Variants in EGFR observed in about 807,000 individuals in gnomAD.
EGFR encodes avian erythroblastic leukemia viral (v-erb-b) oncogene homolog.
In EGFR, 58 loss-of-function variants were observed where a neutral mutation model predicts 143.0. The ratio of observed to expected loss-of-function variants is 0.41; its 90% CI spans 0.33 to 0.50. EGFR has a LOEUF of 0.50. EGFR is among the 20% of genes least tolerant of loss of function. The pLI is 0.39. For synonymous variants in EGFR, 613 were observed against 594.4 expected (o/e 1.03, Z -0.45); for missense variants, 1,307 against 1,579.0 (o/e 0.83, Z 2.92).
At chr7:55,089,659 C>T (rs1790982184) in intron 1 of EGFR, among the ~76,000 whole-genome samples, 1 of 152,196 alleles carries the variant, frequency 6.6e-6, no homozygotes, top group Non-Finnish European at 1.5e-5. Flanking sequence ...TTATGTTACC[C>T]AACAACCAGC....
intron 1 of EGFR, among the ~76,000 whole-genome samples, chr7:55,032,253 A>C (rs547527657): frequency 1.3e-5 from 2 of 152,324 alleles, no homozygotes; most frequent in East Asian, 3.9e-4. Flanking sequence ...AAATGTAGAC[A>C]TCAAACATAC....
At chr7:55,130,114 AGCC>A (rs1793748858) in intron 1 of EGFR, among the ~76,000 whole-genome samples, 1 of 152,158 alleles carries the variant, frequency 6.6e-6, no homozygotes, top group African/African-American at 2.4e-5. Context: ...AGGTTTACTG[AGCC>A]CTTCTCTGAG....
chr7:55,052,144 C>A (rs1032096527), intron 1 of EGFR, among the ~76,000 whole-genome samples: 1 of 152,176 alleles, frequency 6.6e-6, no homozygotes, highest in Non-Finnish European at 1.5e-5. Context: ...CTTTATTCTT[C>A]CTGGGCTTTA....
chr7:55,190,619 T>C (rs1208157236), intron 20 of EGFR, among the ~76,000 whole-genome samples: 1 of 151,684 alleles, frequency 6.6e-6, no homozygotes, highest in Non-Finnish European at 1.5e-5. Context: ...AGCGGCAGAG[T>C]GGAGCAGGCT....
chr7:55,080,662 T>G (rs1436685283), intron 1 of EGFR, among the ~76,000 whole-genome samples: 1 of 152,114 alleles, frequency 6.6e-6, no homozygotes, highest in Non-Finnish European at 1.5e-5. Context: ...ATTGTATACA[T>G]GAAAATTGCT....
rs2128942709 is a variant in EGFR, at chr7:55,161,511, A to G, written c.1511A>G (p.Gln504Arg). The change falls in exon 13 of 28, where the codon CAG (glutamine) becomes CGG (arginine). Residue 504 changes from glutamine (Q) to arginine (R), a missense_variant. By Grantham distance (43) the Gln-to-Arg change is conservative. Transcript: ENST00000275493. ...RGENSCKATG[Q>R]VCHALCSPEG... is the part of the protein sequence containing the mutation. ...TCTGTCTCCGCAGAGGCCACAGGCC[A>G]GGTCTGCCATGCCTTGTGCTCCCCC... 8 of 1,614,108 alleles carry G rather than the reference A, an allele frequency of 5.0e-6. No homozygotes were observed. Among genetic ancestry groups the G allele is most frequent in the Non-Finnish European group, 6.8e-6 (8 of 1,180,018 alleles).
At chr7:55,075,589 T>G (rs1790090957) in intron 1 of EGFR, among the ~76,000 whole-genome samples, 1 of 152,116 alleles carries the variant, frequency 6.6e-6, no homozygotes, top group Non-Finnish European at 1.5e-5. Context: ...AGACACATCC[T>G]CTTGAGCTGG....
intron 7 of EGFR, among the ~76,000 whole-genome samples, chr7:55,155,229 G>A (rs1785353109): frequency 6.6e-6 from 1 of 152,232 alleles, no homozygotes; most frequent in Non-Finnish European, 1.5e-5. Context: ...ATTGTCTGAG[G>A]TCAGGAGTTT....
rs536381431 is a variant in EGFR at position 55,163,904 on chromosome 7, C to T, written c.1722+81C>T. 5.2e-4 allele frequency: 784 copies of T among 1,496,444 alleles called. 4 individuals are homozygous for T. The highest frequency in any genetic ancestry group is 6.6e-5 in the Non-Finnish European group (71 of 1,075,696). The allele number at this position is 1,496,444 out of a possible 1,614,324, so 92.7% of individuals were successfully genotyped here. A position where few individuals can be genotyped will look rare whatever the true frequency, so the allele number is the denominator to read the frequency against. On this transcript the variant is annotated intron_variant, in intron 14 of 27. Coordinates refer to ENST00000275493, the MANE Select transcript of EGFR (RefSeq NM_005228.5). ...GCCGAACAGTGATGATGGCCCAGGG[C>T]ATCCTGTGTGGGCAGGACGGCCATC...
At chr7:55,133,935 CAT>C (rs1376516244) in intron 1 of EGFR, among the ~76,000 whole-genome samples, 1 of 152,210 alleles carries the variant, frequency 6.6e-6, no homozygotes, top group African/African-American at 2.4e-5. Context: ...AGCCCCTGAA[CAT>C]GAGTAAGCAA....
chr7:55,145,124 C>T (rs1174109802), intron 3 of EGFR, among the ~76,000 whole-genome samples: 9 of 152,192 alleles, frequency 5.9e-5, no homozygotes, highest in African/African-American at 1.9e-4. Context: ...GCCTCCCTCA[C>T]GTGTGCTGGC....
At chr7:55,143,521 A>G in intron 3 of EGFR, 33 bp downstream of exon 3, 1 of 1,612,608 alleles carries the variant, frequency 6.2e-7, no homozygotes. Context: ...CTGGGGGTTC[A>G]TAAATGCAGA....
chr7:55,204,553 TAC>T (rs1215497878), intron 27 of EGFR, among the ~76,000 whole-genome samples: 57 of 99,660 alleles, frequency 5.7e-4, no homozygotes, highest in Middle Eastern at 0.012. Flanking sequence ...CACACACACA[TAC>T]ACACCACACA....
At chr7:55,022,508 A>G (rs2128856573) in intron 1 of EGFR, among the ~76,000 whole-genome samples, 1 of 152,326 alleles carries the variant, frequency 6.6e-6, no homozygotes, top group African/African-American at 2.4e-5. Context: ...AAGGTGGACA[A>G]GTCACTTTGA....
intron 1 of EGFR, among the ~76,000 whole-genome samples, chr7:55,085,588 T>C (rs1252365815): frequency 1.3e-5 from 2 of 152,204 alleles, no homozygotes; most frequent in African/African-American, 2.4e-5. Flanking sequence ...AAATAGTATT[T>C]CTCCCACTTT....
intron 15 of EGFR, chr7:55,170,293 C>T (rs367897552): frequency 6.2e-7 from 1 of 1,614,104 alleles, no homozygotes; most frequent in South Asian, 1.1e-5. Flanking sequence ...ATGTACTTGT[C>T]CATCTTTCTC....
intron 1 of EGFR, among the ~76,000 whole-genome samples, chr7:55,127,132 T>G (rs1194889608): frequency 6.6e-6 from 1 of 152,214 alleles, no homozygotes; most frequent in East Asian, 1.9e-4. Flanking sequence ...GGTTTTGTAT[T>G]TCTTTTGCAA....
Position 55,120,752 on chromosome 7 carries a change from A to G in EGFR, c.89-21534A>G, listed in dbSNP as rs773017381. The stretch of plus-strand genomic sequence containing the variant: ...GACACATCTCATAACACTGGTTTGG[A>G]GTGGAGGGCATTCATCGGGCTGCAT... On this transcript the variant is annotated intron_variant, in intron 1 of 27. Transcript: ENST00000275493. Among the ~76,000 whole-genome samples the G allele has an allele frequency of 8.3e-4, 126 of 152,100 alleles. 1 individual carries two copies. The highest frequency in any genetic ancestry group is 3.7e-4 in the Non-Finnish European group (25 of 68,014).
chr7:55,103,287 T>C (rs1189747797), intron 1 of EGFR, among the ~76,000 whole-genome samples: 4 of 152,206 alleles, frequency 2.6e-5, no homozygotes, highest in African/African-American at 9.6e-5. Flanking sequence ...CAAATCTGAA[T>C]TGTGTGCTTA....
Sources: gnomAD v4.1 joint callset for allele counts (sites outside exome capture counted in the v4.1 genomes callset) on GRCh38, gnomAD v4.1.1 for gene constraint, MANE v1.5 for transcripts, NCBI Gene and HGNC (gene_info 2026-07-23, HGNC 2026-07-21) for gene names.